Variants in ACO2 observed in about 807,000 individuals in gnomAD.
The protein encoded by ACO2 is aconitase 2.
Under a neutral mutation model 84.5 loss-of-function variants are expected in ACO2, and 31 were observed. That is an observed-to-expected ratio of 0.37 (90% CI 0.28 to 0.50). ACO2 has a LOEUF of 0.50. Ranked by LOEUF, ACO2 falls within the 20% of genes least tolerant of loss-of-function variation. The pLI, the probability that ACO2 is intolerant of heterozygous loss-of-function variation, is 0.97. For synonymous variants in ACO2, 414 were observed against 412.7 expected (o/e 1.00, Z -0.04); for missense variants, 685 against 1,029.3 (o/e 0.67, Z 4.58).
chr22:41,523,769 C>T, intron 11 of ACO2, 61 bp from the exon 12 acceptor site: 1 of 1,459,190 alleles, frequency 6.9e-7, no homozygotes, highest in Non-Finnish European at 9.6e-7. Context: ...CTTATCTGTC[C>T]TCGGGACAGG....
Position 41,505,512 on chromosome 22 carries a change from C to T in ACO2, c.174-2279C>T, listed in dbSNP as rs191385523. 5.1e-4 allele frequency among the ~76,000 whole-genome samples: 77 copies of T among 152,042 alleles called. 1 individual carries two copies. The highest frequency in any genetic ancestry group is 6.8e-3 in the Middle Eastern group (2 of 294). ...TTCCAGATTCCAGGTGTGGAGAGACCGGGTAGATTAGCGTCAGGAGCACAG... is the reference window on the plus strand; with the variant it reads ...TTCCAGATTCCAGGTGTGGAGAGACTGGGTAGATTAGCGTCAGGAGCACAG... On this transcript the variant is annotated intron_variant, in intron 2 of 17. Coordinates refer to ENST00000216254, the MANE Select transcript of ACO2 (RefSeq NM_001098.3).
chr22:41,480,915 A>G (rs2038079506), intron 1 of ACO2, among the ~76,000 whole-genome samples: 1 of 152,114 alleles, frequency 6.6e-6, no homozygotes, highest in African/African-American at 2.4e-5. Flanking sequence ...TCCTGGGCTC[A>G]AGCAATTCTC....
At chr22:41,499,050 T>C (rs137829) in intron 1 of ACO2, among the ~76,000 whole-genome samples, 148,369 of 150,996 alleles carry the variant, frequency 0.98, 72,905 homozygotes, top group Middle Eastern at 1. Context: ...TGAGCCGAGA[T>C]CCCACCACTG....
At position 41,486,469 on chromosome 22, in the gene ACO2, A is replaced by ATTTT. The variant is rs1186941362; in HGVS notation, c.37-13241_37-13238dup. Among the ~76,000 whole-genome samples, 228 of 104,484 alleles carry ATTTT rather than the reference A, an allele frequency of 2.2e-3. 2 individuals carry two copies. The highest frequency in any genetic ancestry group is 5.9e-3 in the African/African-American group (161 of 27,132). The allele number at this position is 104,484 out of a possible 152,430, so 68.5% of individuals were successfully genotyped here. On this transcript the variant is annotated intron_variant, in intron 1 of 17. Transcript: ENST00000216254. The stretch of plus-strand genomic sequence containing the variant: ...CCACCACGCCCGGCTAACTTTTTGT[A>ATTTT]TTTTTTTTTTTTTTTTTTTGAGACG...
intron 12 of ACO2, among the ~76,000 whole-genome samples, 194 bp downstream of exon 12, chr22:41,524,135 A>G (rs2066553737): frequency 6.6e-6 from 1 of 152,134 alleles, no homozygotes; most frequent in African/African-American, 2.4e-5. Flanking sequence ...TGAGATATTT[A>G]TACAGTGGTT....
chr22:41,515,280 T>C lies in ACO2; in HGVS notation c.526-97T>C. ...TCCTACCAGTTCCATCCTGGGAGAG[T>C]GGCTGGACGTGGTTGGGAGGCCCCG... On this transcript the variant is annotated intron_variant, in intron 4 of 17. Coordinates refer to ENST00000216254, the MANE Select transcript of ACO2 (RefSeq NM_001098.3). The surrounding 1 kb of genome is among the most constrained non-coding windows in gnomAD (Gnocchi z 5.8). The C allele has an allele frequency of 7.2e-7, 1 of 1,395,894 alleles. No individual in the cohort carries two copies. Among genetic ancestry groups the C allele is most frequent in the Non-Finnish European group, 1.0e-6 (1 of 988,994 alleles). The allele number at this position is 1,395,894 out of a possible 1,614,324, so 86.5% of individuals were successfully genotyped here.
intron 6 of ACO2, 109 bp from the exon 7 acceptor site, chr22:41,517,415 GGGA>G: frequency 1.2e-6 from 1 of 832,332 alleles, no homozygotes; most frequent in Middle Eastern, 3.1e-4. Flanking sequence ...CTCTCTGAGT[GGGA>G]GGAGAAGCAA....
At chr22:41,505,430 T>G (rs1280047215) in intron 2 of ACO2, among the ~76,000 whole-genome samples, 1 of 148,960 alleles carries the variant, frequency 6.7e-6, no homozygotes, top group Non-Finnish European at 1.5e-5. Context: ...ATAATAACAA[T>G]AATAATAATA....
chr22:41,497,013 C>T lies in ACO2; in HGVS notation c.37-2713C>T, dbSNP rs1004452336. ...GCCTCTTCCCTTACCCAAGGTATGA[C>T]GAGGAACACCAACCACCTAGAAGGG... is the stretch of plus-strand genomic sequence containing the variant. On this transcript the variant is annotated intron_variant, in intron 1 of 17. Coordinates refer to ENST00000216254, the MANE Select transcript of ACO2 (RefSeq NM_001098.3). Among the ~76,000 whole-genome samples, 7 of 152,002 alleles carry T rather than the reference C, an allele frequency of 4.6e-5. No individual in the cohort carries two copies. In the East Asian group the frequency reaches 5.8e-4, roughly 13 times the overall value.
intron 1 of ACO2, among the ~76,000 whole-genome samples, chr22:41,481,811 GTCTT>G (rs1180542845): frequency 6.6e-6 from 1 of 152,224 alleles, no homozygotes; most frequent in Non-Finnish European, 1.5e-5. Flanking sequence ...TCATCAGTAA[GTCTT>G]TCTTGAACTT....
At chr22:41,477,426 T>A (rs982568579) in intron 1 of ACO2, among the ~76,000 whole-genome samples, 3 of 151,840 alleles carry the variant, frequency 2.0e-5, no homozygotes. Flanking sequence ...CCCAAAGTGC[T>A]GGGATTACAG....
At chr22:41,482,321 T>C (rs1054646342) in intron 1 of ACO2, among the ~76,000 whole-genome samples, 2 of 152,246 alleles carry the variant, frequency 1.3e-5, no homozygotes, top group African/African-American at 4.8e-5. Context: ...ACACTGTCGG[T>C]AGCACAGGGA....
In ACO2 at chr22:41,522,874, C is replaced by T. The variant is rs769544199; in HGVS notation, c.1183C>T (p.Arg395Cys). 4.3e-6 allele frequency: 7 copies of T among 1,614,236 alleles called. No homozygotes were observed. The highest frequency in any genetic ancestry group is 1.3e-5 in the African/African-American group (1 of 75,064). Residue 395 changes from arginine to cysteine, a missense_variant, in exon 10 of 18, where the codon CGC (arginine) becomes TGC (cysteine). Transcript: ENST00000216254. ...CAATTCAAGCTATGAAGATATGGGG[C>T]GCTCAGCAGCTGTGGCCAAGCAGGC... ...CTNSSYEDMG[R>C]SAAVAKQALA...
intron 3 of ACO2, among the ~76,000 whole-genome samples, chr22:41,511,413 C>G (rs927097137): frequency 4.6e-5 from 7 of 152,254 alleles, no homozygotes; most frequent in Admixed American, 2.6e-4. Flanking sequence ...CTCAAGTGAT[C>G]TGCCTGCCTC....
rs760882521 is a variant in ACO2, at chr22:41,507,901, G to A, written c.284G>A (p.Arg95His). Reference sequence around the variant, plus strand: ...TCGTACCTGCGGCTGCGGCCGGACCGTGTGGCCATGCAGGATGCGACGGCC... The same window carrying A: ...TCGTACCTGCGGCTGCGGCCGGACCATGTGGCCATGCAGGATGCGACGGCC... Reference protein sequence around the residue: ...GKSYLRLRPDRVAMQDATAQM... With the variant: ...GKSYLRLRPDHVAMQDATAQM... The change falls in exon 3 of 18, where the codon CGT becomes CAT. Residue 95 changes from arginine to histidine, a missense_variant. Arg to His is a conservative substitution (Grantham distance 29). Coordinates refer to ENST00000216254, the MANE Select transcript of ACO2 (RefSeq NM_001098.3). 9 of 1,614,226 alleles carry A rather than the reference G, an allele frequency of 5.6e-6. No homozygotes were observed. Among genetic ancestry groups the A allele is most frequent in the Admixed American group, 3.3e-5 (2 of 60,022 alleles).
rs1451171932 is a variant in ACO2 at position 41,517,564 on chromosome 22, G to A, written c.873G>A (p.Gly291=). Residue 291 remains glycine (G), a synonymous_variant, in exon 7 of 18, where the codon GGG becomes GGA. Transcript: ENST00000216254. Reference sequence around the variant, plus strand: ...TCTGCAACATGGGTGCAGAAATTGGGGCCACCACTTCCGTGTTCCCTTACA... The same window carrying A: ...TCTGCAACATGGGTGCAGAAATTGGAGCCACCACTTCCGTGTTCCCTTACA... ...ATICNMGAEI[G]ATTSVFPYNH... The A allele has an allele frequency of 6.2e-7, 1 of 1,613,912 alleles. No homozygotes were observed. Among genetic ancestry groups the A allele is most frequent in the African/African-American group, 1.3e-5 (1 of 74,930 alleles).
chr22:41,520,295 A>G lies in ACO2; in HGVS notation c.1138+19A>G. Reference sequence around the variant, plus strand: ...CGAGTGGGTGAGCACCTTCCACCCCATCTGTTTAGCAGGTCTCAGGGCCAG... The same window carrying G: ...CGAGTGGGTGAGCACCTTCCACCCCGTCTGTTTAGCAGGTCTCAGGGCCAG... On this transcript the variant is annotated intron_variant, in intron 9 of 17. Coordinates refer to ENST00000216254, the MANE Select transcript of ACO2 (RefSeq NM_001098.3). 1 of 1,601,368 alleles carries G rather than the reference A, an allele frequency of 6.2e-7. No individual in the cohort carries two copies. The highest frequency in any genetic ancestry group is 2.2e-5 in the East Asian group (1 of 44,750).
At chr22:41,478,946 T>G (rs186658105) in intron 1 of ACO2, among the ~76,000 whole-genome samples, 108 of 152,182 alleles carry the variant, frequency 7.1e-4, no homozygotes, top group Non-Finnish European at 2.1e-4. Context: ...AATTTTCTTG[T>G]ATGCCACACT....
Position 41,515,503 on chromosome 22 carries a change from G to A in ACO2, c.652G>A (p.Ala218Thr). The A allele has an allele frequency of 6.2e-7, 1 of 1,613,484 alleles. No individual in the cohort carries two copies. Among genetic ancestry groups the A allele is most frequent in the African/African-American group, 1.3e-5 (1 of 75,004 alleles). ...GGGTGCCGATGCTGTGGATGTCATGGCTGGGATCCCCTGGGAGCTGAAGTG... is the reference window on the plus strand; with the variant it reads ...GGGTGCCGATGCTGTGGATGTCATGACTGGGATCCCCTGGGAGCTGAAGTG... Reference protein sequence around the residue: ...VGGADAVDVMAGIPWELKCPK... With the variant: ...VGGADAVDVMTGIPWELKCPK... Residue 218 changes from alanine to threonine, a missense_variant, in exon 5 of 18, where the codon GCT (alanine) becomes ACT (threonine). Physicochemically the swap from Ala to Thr is moderately conservative, Grantham distance 58. This residue lies in a region of ACO2 where 92 missense variants were observed against 203.7 expected (regional missense o/e 0.45). Transcript: ENST00000216254. The surrounding 1 kb of genome is among the most constrained non-coding windows in gnomAD (Gnocchi z 5.8).
Sources: allele counts gnomAD v4.1 joint callset (sites outside exome capture counted in the v4.1 genomes callset), GRCh38; gene constraint gnomAD v4.1.1; regional missense constraint gnomAD v4.1.1; non-coding constraint Gnocchi (gnomAD v3.1); transcripts MANE v1.5; gene names NCBI Gene and HGNC (gene_info 2026-07-23, HGNC 2026-07-21).